MAPKAP1: variants seen among roughly 807,000 people sequenced by gnomAD.
The protein encoded by MAPKAP1 is MAPK associated protein 1, also known as target of rapamycin complex 2 subunit MAPKAP1.
MAPKAP1 carries 20 observed loss-of-function variants against 65.7 expected under a neutral mutation model. The observed-to-expected ratio is 0.30, with a 90% CI of 0.21 to 0.44. The LOEUF (loss-of-function observed/expected upper bound fraction) is 0.44. Among genes scored for constraint, MAPKAP1 ranks in the 20% least tolerant of loss-of-function variants. MAPKAP1 has a pLI of 1.00. For missense variants in MAPKAP1, 423 were observed against 648.0 expected (o/e 0.65, Z 3.77); for synonymous variants, 222 against 244.3 (o/e 0.91, Z 0.85).
At chr9:125,604,123 G>A (rs866641968) in intron 4 of MAPKAP1, among the ~76,000 whole-genome samples, 34 of 152,148 alleles carry the variant, frequency 2.2e-4, no homozygotes, top group Admixed American at 1.2e-3. Flanking sequence ...TGGTTCCAAT[G>A]TAAAATTCCA....
At chr9:125,652,330 AG>A in intron 4 of MAPKAP1, 3 of 986,302 alleles carry the variant, frequency 3.0e-6, no homozygotes, top group Non-Finnish European at 3.8e-6. Context: ...GCTATTAACC[AG>A]TATGTGTTAA....
At chr9:125,455,829 G>A (rs1401456053) in intron 10 of MAPKAP1, among the ~76,000 whole-genome samples, 3 of 152,300 alleles carry the variant, frequency 2.0e-5, no homozygotes, top group South Asian at 2.1e-4. Flanking sequence ...ATTCCATATC[G>A]TTGGTAACTG....
At chr9:125,580,350 G>A (rs1589308256) in intron 5 of MAPKAP1, among the ~76,000 whole-genome samples, 1 of 152,138 alleles carries the variant, frequency 6.6e-6, no homozygotes, top group Non-Finnish European at 1.5e-5. Context: ...GGAATACTAT[G>A]CAGCCGTAAA....
intron 1 of MAPKAP1, among the ~76,000 whole-genome samples, chr9:125,687,210 C>T (rs1564617168): frequency 6.6e-6 from 1 of 150,908 alleles, no homozygotes; most frequent in Non-Finnish European, 1.5e-5. Context: ...CAGTTATCTT[C>T]AGAGTGTTAT....
intron 9 of MAPKAP1, among the ~76,000 whole-genome samples, chr9:125,476,458 G>A (rs1425230466): frequency 6.6e-6 from 1 of 152,124 alleles, no homozygotes; most frequent in Non-Finnish European, 1.5e-5. Context: ...CAACGGCAAA[G>A]TGAAATGGAA....
chr9:125,693,802 T>TATACACGTATATATATACACAC (rs1835294184), intron 1 of MAPKAP1, among the ~76,000 whole-genome samples: 1 of 146,478 alleles, frequency 6.8e-6, no homozygotes, highest in African/African-American at 2.6e-5. Context: ...TACACACATA[T>TATACACGTATATATATACACAC]ATATACACAC....
chr9:125,444,594 G>A lies in MAPKAP1; in HGVS notation c.1350C>T (p.His450=), dbSNP rs146295355. The change falls in exon 11 of 12, where the codon CAC becomes CAT. Residue 450 remains histidine (H), a synonymous_variant. Transcript: ENST00000265960. ...CDLAEEKSPS[H]AIFKLTYLSN... ...TTAGATACGTGAGTTTAAATATTGCGTGACCTGCAGAGACAGAAAACTGTG... is the reference window on the plus strand; with the variant it reads ...TTAGATACGTGAGTTTAAATATTGCATGACCTGCAGAGACAGAAAACTGTG... 292 of 1,611,010 alleles carry A rather than the reference G, an allele frequency of 1.8e-4. No individual in the cohort carries two copies. The highest frequency in any genetic ancestry group is 4.9e-4 in the Middle Eastern group (3 of 6,074).
chr9:125,633,204 G>A (rs562611703), intron 4 of MAPKAP1, among the ~76,000 whole-genome samples: 4 of 152,344 alleles, frequency 2.6e-5, no homozygotes, highest in African/African-American at 7.2e-5. Context: ...AATGCACAGC[G>A]CCAACAGAGC....
intron 7 of MAPKAP1, among the ~76,000 whole-genome samples, chr9:125,515,091 T>C (rs1756099944): frequency 6.6e-6 from 1 of 152,026 alleles, no homozygotes; most frequent in African/African-American, 2.4e-5. Context: ...AGTTTGGAAT[T>C]TAAATAATAA....
intron 7 of MAPKAP1, among the ~76,000 whole-genome samples, chr9:125,527,710 C>T (rs1048904725): frequency 6.6e-6 from 1 of 152,144 alleles, no homozygotes; most frequent in African/African-American, 2.4e-5. Flanking sequence ...CAGTAACTTC[C>T]TCCTGCTGGG....
At chr9:125,505,740 TACAG>T (rs755612547) in intron 8 of MAPKAP1, among the ~76,000 whole-genome samples, 5 of 152,196 alleles carry the variant, frequency 3.3e-5, no homozygotes, top group Non-Finnish European at 5.9e-5. Context: ...CAGGAATGAC[TACAG>T]ACAGTCTGCT....
chr9:125,517,455 A>T (rs748457262), intron 7 of MAPKAP1, among the ~76,000 whole-genome samples: 30 of 152,186 alleles, frequency 2.0e-4, no homozygotes, highest in Non-Finnish European at 4.4e-4. Flanking sequence ...CAGTTCTGAA[A>T]GTGTGATTTC....
At chr9:125,544,080 G>A (rs1186779055) in intron 6 of MAPKAP1, among the ~76,000 whole-genome samples, 1 of 151,696 alleles carries the variant, frequency 6.6e-6, no homozygotes, top group Non-Finnish European at 1.5e-5. Context: ...GCGCAATCTC[G>A]GCTCACTGCA....
At chr9:125,558,120 G>T (rs1282897922) in intron 6 of MAPKAP1, among the ~76,000 whole-genome samples, 1 of 152,032 alleles carries the variant, frequency 6.6e-6, no homozygotes, top group Non-Finnish European at 1.5e-5. Context: ...GGCCTGCCTC[G>T]GTCTCCCAAA....
At chr9:125,654,612 C>T (rs538040657) in intron 4 of MAPKAP1, among the ~76,000 whole-genome samples, 2 of 152,242 alleles carry the variant, frequency 1.3e-5, no homozygotes, top group East Asian at 3.9e-4. Flanking sequence ...AAATTATTAG[C>T]CAACCACTGT....
At chr9:125,681,021 T>C (rs1834807183) in intron 1 of MAPKAP1, among the ~76,000 whole-genome samples, 1 of 152,224 alleles carries the variant, frequency 6.6e-6, no homozygotes, top group African/African-American at 2.4e-5. Context: ...ACAACATATT[T>C]AATCCTTACA....
At chr9:125,555,451 G>A (rs771052992) in intron 6 of MAPKAP1, among the ~76,000 whole-genome samples, 2 of 152,092 alleles carry the variant, frequency 1.3e-5, no homozygotes, top group African/African-American at 4.8e-5. Context: ...CTGTGCTGCC[G>A]CACTTAGAGG....
At position 125,447,444 on chromosome 9, in the gene MAPKAP1, A is replaced by C. The variant is rs1197111327; in HGVS notation, c.1346-2846T>G. On this transcript the variant is annotated intron_variant, in intron 10 of 11. Coordinates refer to ENST00000265960, the MANE Select transcript of MAPKAP1 (RefSeq NM_001006617.3). The surrounding 1 kb of genome is among the most constrained non-coding windows in gnomAD (Gnocchi z 4.5). Reference sequence around the variant, plus strand: ...CCGAGGCACGGTGGACAGCCACAGCAGACAGCCCCCTCTTGCTCTCTGCAA... The same window carrying C: ...CCGAGGCACGGTGGACAGCCACAGCCGACAGCCCCCTCTTGCTCTCTGCAA... 2.2e-6 allele frequency: 1 copy of C among 456,676 alleles called. No homozygotes were observed. Among genetic ancestry groups the C allele is most frequent in the South Asian group, 1.5e-5 (1 of 64,572 alleles). The allele number at this position is 456,676 out of a possible 1,614,324, so 28.3% of individuals were successfully genotyped here.
At chr9:125,626,537 C>G (rs1413803698) in intron 4 of MAPKAP1, among the ~76,000 whole-genome samples, 1 of 152,232 alleles carries the variant, frequency 6.6e-6, no homozygotes, top group African/African-American at 2.4e-5. Flanking sequence ...ATTAAAAACA[C>G]AATTCCATCA....
Sources: gnomAD v4.1 joint callset for allele counts (sites outside exome capture counted in the v4.1 genomes callset) on GRCh38, gnomAD v4.1.1 for gene constraint, Gnocchi (gnomAD v3.1) non-coding constraint, MANE v1.5 for transcripts, NCBI Gene and HGNC (gene_info 2026-07-23, HGNC 2026-07-21) for gene names.